Variants in GMDS observed in about 807,000 individuals in gnomAD.
The protein encoded by GMDS is GDP-mannose 4,6-dehydratase, also known as GDP-mannose 4,6 dehydratase.
Under a neutral mutation model 49.9 loss-of-function variants are expected in GMDS, and 20 were observed. The observed-to-expected ratio is 0.40, with a 90% CI of 0.28 to 0.58. The LOEUF (loss-of-function observed/expected upper bound fraction) is 0.58, where lower values mean the gene tolerates loss of function less well. GMDS is among the 20% of genes least tolerant of loss of function. The pLI is 0.42. For synonymous variants in GMDS, 177 were observed against 178.6 expected (o/e 0.99, Z 0.07); for missense variants, 362 against 481.4 (o/e 0.75, Z 2.32).
chr6:1,810,123 C>A (rs1770354804), intron 7 of GMDS, among the ~76,000 whole-genome samples: 1 of 152,062 alleles, frequency 6.6e-6, no homozygotes, highest in Non-Finnish European at 1.5e-5. Context: ...CTGCCCTCCC[C>A]TAGAGGAGCT....
intron 4 of GMDS, among the ~76,000 whole-genome samples, chr6:2,082,924 A>G (rs1307809078): frequency 6.6e-6 from 1 of 152,248 alleles, no homozygotes; most frequent in Non-Finnish European, 1.5e-5. Flanking sequence ...ACACCTTGGT[A>G]CTGACAAGGA....
rs1768943606 is a variant in GMDS, at chr6:1,778,683, T to C, written c.772-36097A>G. ...CTAGACTTGCCCCAAATCCATTATT[T>C]TTGTCTGTCACTGGAGGGAACTTTC... On this transcript the variant is annotated intron_variant, in intron 7 of 10. Coordinates refer to ENST00000380815, the MANE Select transcript of GMDS (RefSeq NM_001500.4). This position sits in a 1 kb window ranked among gnomAD's most constrained non-coding sequence, Gnocchi z 4.6. 6.6e-6 allele frequency among the ~76,000 whole-genome samples: 1 copy of C among 152,094 alleles called. No homozygotes were observed. Among genetic ancestry groups the C allele is most frequent in the Non-Finnish European group, 1.5e-5 (1 of 68,014 alleles).
intron 9 of GMDS, among the ~76,000 whole-genome samples, chr6:1,684,783 T>A (rs1764915039): frequency 6.6e-6 from 1 of 152,166 alleles, no homozygotes; most frequent in South Asian, 2.1e-4. Flanking sequence ...ATGTACACCC[T>A]TAGTGGGTGA....
intron 4 of GMDS, among the ~76,000 whole-genome samples, chr6:2,060,080 A>G (rs1273470889): frequency 6.6e-6 from 1 of 152,206 alleles, no homozygotes; most frequent in Non-Finnish European, 1.5e-5. Context: ...CCTTTCTTCA[A>G]AACTGTTCTC....
At chr6:1,973,639 C>T (rs551954401) in intron 4 of GMDS, among the ~76,000 whole-genome samples, 88 of 152,248 alleles carry the variant, frequency 5.8e-4, no homozygotes, top group African/African-American at 2.0e-3. Flanking sequence ...AAACAACATA[C>T]AGTCTTCATT....
chr6:1,675,624 G>A (rs1290370038), intron 9 of GMDS, among the ~76,000 whole-genome samples: 4 of 152,006 alleles, frequency 2.6e-5, no homozygotes, highest in Admixed American at 6.6e-5. Context: ...AGGCCGAGGC[G>A]GGTGGATCAC....
At chr6:2,151,080 T>C (rs1475008132) in intron 1 of GMDS, among the ~76,000 whole-genome samples, 1 of 152,032 alleles carries the variant, frequency 6.6e-6, no homozygotes, top group African/African-American at 2.4e-5. Flanking sequence ...GTACAAAAAA[T>C]AGTTAGAAAG....
At chr6:1,711,896 C>T (rs375234549) in intron 9 of GMDS, among the ~76,000 whole-genome samples, 37 of 152,206 alleles carry the variant, frequency 2.4e-4, no homozygotes, top group African/African-American at 7.7e-4. Context: ...ACCAGCCAAA[C>T]GGTGGCTGCT....
intron 8 of GMDS, among the ~76,000 whole-genome samples, chr6:1,737,788 CACACAT>C (rs1439494477): frequency 7.3e-5 from 8 of 109,604 alleles, no homozygotes; most frequent in African/African-American, 1.9e-4. Flanking sequence ...CACATACATA[CACACAT>C]ACATACACAC....
intron 1 of GMDS, among the ~76,000 whole-genome samples, chr6:2,227,174 A>C (rs1345097638): frequency 1.3e-5 from 2 of 152,104 alleles, no homozygotes; most frequent in Non-Finnish European, 2.9e-5. Context: ...TAAGGAAAAA[A>C]GTTTATGAAA....
chr6:1,694,454 C>G (rs781627444), intron 9 of GMDS, among the ~76,000 whole-genome samples: 2 of 152,210 alleles, frequency 1.3e-5, no homozygotes, highest in Non-Finnish European at 2.9e-5. Flanking sequence ...GAGGCTCAGG[C>G]TCAAGGGTAG....
intron 6 of GMDS, among the ~76,000 whole-genome samples, chr6:1,949,639 C>G (rs141862429): frequency 2.0e-4 from 31 of 152,252 alleles, no homozygotes; most frequent in East Asian, 1.7e-3. Flanking sequence ...ATGGGCCAGA[C>G]AGCTTTGTGA....
chr6:2,215,247 A>T (rs1392052280), intron 1 of GMDS, among the ~76,000 whole-genome samples: 1 of 152,112 alleles, frequency 6.6e-6, no homozygotes, highest in Non-Finnish European at 1.5e-5. Context: ...ACAGAGAAAA[A>T]GAGACAGAGA....
intron 4 of GMDS, among the ~76,000 whole-genome samples, chr6:2,102,455 T>C (rs1773979337): frequency 6.6e-6 from 1 of 152,194 alleles, no homozygotes; most frequent in Admixed American, 6.5e-5. Flanking sequence ...ATCACTTAGA[T>C]TTGCCTGCTT....
At chr6:1,926,561 T>C (rs1264235549) in intron 7 of GMDS, among the ~76,000 whole-genome samples, 1 of 152,252 alleles carries the variant, frequency 6.6e-6, no homozygotes, top group African/African-American at 2.4e-5. Flanking sequence ...TTCTTTATTC[T>C]AAAGTTGATT....
At chr6:1,994,783 T>C (rs1402542420) in intron 4 of GMDS, among the ~76,000 whole-genome samples, 2 of 152,000 alleles carry the variant, frequency 1.3e-5, no homozygotes, top group Non-Finnish European at 2.9e-5. Context: ...AGGGGATACA[T>C]GGCCTGCAAA....
At chr6:1,913,388 C>CAAAAAAAAAAA (rs56262461) in intron 7 of GMDS, among the ~76,000 whole-genome samples, 2 of 103,938 alleles carry the variant, frequency 1.9e-5, no homozygotes, top group African/African-American at 3.7e-5. Flanking sequence ...CTCAAACAAA[C>CAAAAAAAAAAA]AAAAAAAAAA....
At chr6:2,140,322 C>A (rs1468277284) in intron 1 of GMDS, among the ~76,000 whole-genome samples, 2 of 152,088 alleles carry the variant, frequency 1.3e-5, no homozygotes, top group African/African-American at 2.4e-5. Context: ...GGGATTCCAG[C>A]AGCCACTAGA....
At chr6:2,099,021 T>C (rs1347712655) in intron 4 of GMDS, among the ~76,000 whole-genome samples, 3 of 152,178 alleles carry the variant, frequency 2.0e-5, no homozygotes, top group African/African-American at 7.2e-5. Flanking sequence ...AGGTGGAATT[T>C]GTGCTGTGCT....
Sources: allele counts gnomAD v4.1 joint callset (sites outside exome capture counted in the v4.1 genomes callset), GRCh38; gene constraint gnomAD v4.1.1; non-coding constraint Gnocchi (gnomAD v3.1); transcripts MANE v1.5; gene names NCBI Gene and HGNC (gene_info 2026-07-23, HGNC 2026-07-21).